The following LYST variants were observed in gnomAD, a reference collection of about 807,000 sequenced individuals.
LYST encodes the protein lysosomal-trafficking regulator.
In LYST, 192 loss-of-function variants were observed where a neutral mutation model predicts 413.6. The ratio of observed to expected loss-of-function variants is 0.46; its 90% CI spans 0.41 to 0.52. The LOEUF (loss-of-function observed/expected upper bound fraction) is 0.52, where lower values mean the gene tolerates loss of function less well. LYST is among the 20% of genes least tolerant of loss of function. LYST has a pLI of 0.00. For synonymous variants in LYST, 1,525 were observed against 1,567.3 expected (o/e 0.97, Z 0.64); for missense variants, 3,815 against 4,499.9 (o/e 0.85, Z 4.35).
At position 235,755,459 on chromosome 1, in the gene LYST, G is replaced by C; in HGVS notation, c.7229+19C>G. ...AGACAAAAGATTCCCAATTATAGTG[G>C]AGGGAAGAACACACTTACTCTTCAT... is the stretch of plus-strand genomic sequence containing the variant. On this transcript the variant is annotated intron_variant, in intron 25 of 52. Coordinates refer to ENST00000389793, the MANE Select transcript of LYST (RefSeq NM_000081.4). The C allele has an allele frequency of 6.3e-7, 1 of 1,577,460 alleles. No homozygotes were observed. The highest frequency in any genetic ancestry group is 2.2e-5 in the East Asian group (1 of 44,684).
At chr1:235,737,916 AGTC>A in intron 31 of LYST, 1 of 1,163,406 alleles carries the variant, frequency 8.6e-7, no homozygotes. Flanking sequence ...GCTGCCGACG[AGTC>A]TGGATCTCAC....
intron 34 of LYST, among the ~76,000 whole-genome samples, chr1:235,732,164 T>G (rs73126558): frequency 4.6e-5 from 7 of 152,188 alleles, no homozygotes; most frequent in Admixed American, 4.6e-4. Context: ...AGTATTATCT[T>G]TATCTCATCA....
chr1:235,850,560 C>A (rs549329691), intron 1 of LYST, among the ~76,000 whole-genome samples: 1 of 152,170 alleles, frequency 6.6e-6, no homozygotes, highest in East Asian at 1.9e-4. Flanking sequence ...TTTTGCATGG[C>A]AAAAGTAACA....
intron 48 of LYST, among the ~76,000 whole-genome samples, chr1:235,682,098 C>G (rs571412222): frequency 9.3e-4 from 141 of 152,034 alleles, no homozygotes; most frequent in Non-Finnish European, 1.6e-3. Flanking sequence ...ATTGTTGAGC[C>G]CAGGAGCTCG....
chr1:235,825,965 T>C (rs1017434090), intron 3 of LYST, among the ~76,000 whole-genome samples: 3 of 152,188 alleles, frequency 2.0e-5, no homozygotes, highest in Admixed American at 6.5e-5. Context: ...GACAGGGTAC[T>C]GATAAAAGAC....
At chr1:235,704,239 T>C (rs1384672163) in intron 44 of LYST, among the ~76,000 whole-genome samples, 1 of 152,194 alleles carries the variant, frequency 6.6e-6, no homozygotes, top group African/African-American at 2.4e-5. Flanking sequence ...GTCTTTACGG[T>C]AGAATGATTT....
Position 235,805,992 on chromosome 1 carries a change from T to A in LYST, c.3144A>T (p.Ile1048=). The A allele has an allele frequency of 6.2e-7, 1 of 1,613,860 alleles. No homozygotes were observed. Among genetic ancestry groups the A allele is most frequent in the East Asian group, 2.2e-5 (1 of 44,866 alleles). The change falls in exon 6 of 53, where the codon ATA becomes ATT. Residue 1048 remains isoleucine (I), a synonymous_variant. Transcript: ENST00000389793. The part of the protein sequence containing the change: ...LLSLAIKSDP[I]PSELGSLKKS... ...TTTTTAGACTACCTAGTTCTGATGG[T>A]ATGGGGTCACTTTTTATAGCCAAAG... is the stretch of plus-strand genomic sequence containing the variant.
intron 42 of LYST, among the ~76,000 whole-genome samples, chr1:235,713,763 C>T (rs1287296129): frequency 2.0e-5 from 3 of 152,234 alleles, no homozygotes; most frequent in South Asian, 4.1e-4. Flanking sequence ...CTGCATTAAA[C>T]CAAAGCCAAG....
chr1:235,811,955 T>TA (rs1395858530), intron 4 of LYST, among the ~76,000 whole-genome samples: 4 of 151,822 alleles, frequency 2.6e-5, no homozygotes, highest in Non-Finnish European at 4.4e-5. Context: ...GATACCTCCT[T>TA]AAAAAAAGCT....
chr1:235,860,981 C>T (rs1434580716), intron 1 of LYST, among the ~76,000 whole-genome samples: 4 of 151,406 alleles, frequency 2.6e-5, no homozygotes, highest in South Asian at 4.2e-4. Flanking sequence ...GGCTTTTTTT[C>T]GTGCTGTGTA....
intron 46 of LYST, among the ~76,000 whole-genome samples, chr1:235,696,743 T>G (rs79463464): frequency 6.6e-6 from 1 of 152,142 alleles, no homozygotes; most frequent in Non-Finnish European, 1.5e-5. Flanking sequence ...CATGACTATA[T>G]CTTCTGAGAT....
chr1:235,818,580 C>A (rs543778262), intron 3 of LYST, among the ~76,000 whole-genome samples: 2 of 151,914 alleles, frequency 1.3e-5, no homozygotes, highest in Non-Finnish European at 2.9e-5. Flanking sequence ...ATGTATAGCT[C>A]ATACTCAGTA....
At chr1:235,687,980 C>T (rs1416459972) in intron 47 of LYST, among the ~76,000 whole-genome samples, 1 of 152,210 alleles carries the variant, frequency 6.6e-6, no homozygotes, top group East Asian at 1.9e-4. Flanking sequence ...ATGACTTTCT[C>T]TGATCTTTAT....
At chr1:235,855,764 C>T (rs1035991380) in intron 1 of LYST, among the ~76,000 whole-genome samples, 1 of 152,012 alleles carries the variant, frequency 6.6e-6, no homozygotes, top group African/African-American at 2.4e-5. Context: ...ATACTGAACA[C>T]AGATATTTAT....
chr1:235,816,924 A>G (rs1674181875), intron 3 of LYST, among the ~76,000 whole-genome samples: 1 of 152,234 alleles, frequency 6.6e-6, no homozygotes, highest in Admixed American at 6.5e-5. Context: ...AACTATCAAC[A>G]GAGTAAACAG....
chr1:235,736,821 A>C (rs781040177), intron 31 of LYST: 2 of 148,756 alleles, frequency 1.3e-5, no homozygotes, highest in Non-Finnish European at 1.5e-5. Flanking sequence ...ATACATGTAT[A>C]CATAGATTTG....
At chr1:235,791,402 G>C (rs1033938899) in intron 12 of LYST, among the ~76,000 whole-genome samples, 1 of 152,140 alleles carries the variant, frequency 6.6e-6, no homozygotes, top group Non-Finnish European at 1.5e-5. Flanking sequence ...CCCTAATCCA[G>C]TAATGGGACC....
At chr1:235,800,672 T>C (rs1180259809) in intron 9 of LYST, among the ~76,000 whole-genome samples, 199 bp downstream of exon 9, 1 of 152,188 alleles carries the variant, frequency 6.6e-6, no homozygotes, top group African/African-American at 2.4e-5. Flanking sequence ...GCAAAGGACA[T>C]TAATTTTCTA....
intron 8 of LYST, among the ~76,000 whole-genome samples, chr1:235,802,193 C>CAAAAAAA (rs35511208): frequency 4.4e-5 from 2 of 45,072 alleles, no homozygotes; most frequent in African/African-American, 8.0e-5. Context: ...GACTCCATTT[C>CAAAAAAA]AAAAAAAAAA....
Sources: allele counts gnomAD v4.1 joint callset (sites outside exome capture counted in the v4.1 genomes callset), GRCh38; gene constraint gnomAD v4.1.1; transcripts MANE v1.5; gene names NCBI Gene and HGNC (gene_info 2026-07-23, HGNC 2026-07-21).